Variants in PALM2AKAP2 observed in about 807,000 individuals in gnomAD.
PALM2AKAP2 encodes PALM2 and AKAP2 fusion.
PALM2AKAP2 carries 37 observed loss-of-function variants against 71.5 expected under a neutral mutation model. The observed-to-expected ratio is 0.52, with a 90% confidence interval of 0.40 to 0.68. The LOEUF (loss-of-function observed/expected upper bound fraction) is 0.68, where lower values mean the gene tolerates loss of function less well. PALM2AKAP2 is among the 30% of genes least tolerant of loss of function. The probability of loss-of-function intolerance (pLI) is 0.00; values close to 1 mark genes in which losing one functional copy is unlikely to be tolerated. For synonymous variants in PALM2AKAP2, 468 were observed against 478.8 expected (o/e 0.98, Z 0.29); for missense variants, 1,224 against 1,191.8 (o/e 1.03, Z -0.40).
chr9:110,128,343 G>A (rs1446861563), intron 1 of PALM2AKAP2, among the ~76,000 whole-genome samples: 3 of 152,190 alleles, frequency 2.0e-5, no homozygotes, highest in East Asian at 1.9e-4. Flanking sequence ...TTGTCATTGC[G>A]TCCTGCGCAC....
At chr9:109,933,375 G>C (rs1831152142) in intron 6 of PALM2AKAP2, among the ~76,000 whole-genome samples, 2 of 152,228 alleles carry the variant, frequency 1.3e-5, no homozygotes, top group African/African-American at 4.8e-5. Context: ...CATGGGTGTT[G>C]ATGGCTCCTG....
intron 6 of PALM2AKAP2, among the ~76,000 whole-genome samples, chr9:110,000,417 C>G (rs139512129): frequency 0.019 from 2,826 of 152,074 alleles, 98 homozygotes; most frequent in African/African-American, 0.065. Flanking sequence ...TATCATTGTT[C>G]GACATTTGGG....
At chr9:109,916,446 G>A (rs777430813) in intron 3 of PALM2AKAP2, among the ~76,000 whole-genome samples, 3 of 152,314 alleles carry the variant, frequency 2.0e-5, no homozygotes, top group Admixed American at 1.3e-4. Flanking sequence ...CGGAAACGGC[G>A]AGAACCTATC....
intron 3 of PALM2AKAP2, among the ~76,000 whole-genome samples, chr9:109,911,897 A>G (rs1166846186): frequency 6.6e-6 from 1 of 152,212 alleles, no homozygotes; most frequent in Non-Finnish European, 1.5e-5. Context: ...TAACACTCTA[A>G]TACAAGGCAG....
intron 1 of PALM2AKAP2, among the ~76,000 whole-genome samples, chr9:109,664,030 T>G (rs1449330464): frequency 2.0e-5 from 3 of 152,114 alleles, no homozygotes; most frequent in Non-Finnish European, 2.9e-5. Context: ...TTTTTGTTTT[T>G]CATTTGCTTG....
Position 110,024,996 on chromosome 9 carries a change from C to A in PALM2AKAP2, c.582+8957C>A, listed in dbSNP as rs1799488922. 1.9e-5 allele frequency: 24 copies of A among 1,291,362 alleles called. No individual in the cohort carries two copies. The South Asian group carries it at 2.6e-4, about 14-fold the overall frequency. The allele number at this position is 1,291,362 out of a possible 1,614,324, so 80.0% of individuals were successfully genotyped here. A position where few individuals can be genotyped will look rare whatever the true frequency, so the allele number is the denominator to read the frequency against. On this transcript the variant is annotated intron_variant, in intron 7 of 9. Transcript: ENST00000302798. The stretch of plus-strand genomic sequence containing the variant: ...CTGGCACTTCAGTTGAACCCAGGTA[C>A]CTTTCTCTTTGGCTTCTTTCTTTTT...
chr9:109,833,215 T>C (rs1018897886), intron 1 of PALM2AKAP2, among the ~76,000 whole-genome samples: 4 of 151,926 alleles, frequency 2.6e-5, no homozygotes, highest in African/African-American at 9.7e-5. Context: ...ATTATCTGGG[T>C]GTGGTGGCAC....
intron 6 of PALM2AKAP2, among the ~76,000 whole-genome samples, chr9:109,966,437 C>G (rs555759398): frequency 6.6e-6 from 1 of 152,342 alleles, no homozygotes; most frequent in Non-Finnish European, 1.5e-5. Flanking sequence ...TGTTCTAATA[C>G]CAGTACTGCT....
intron 1 of PALM2AKAP2, among the ~76,000 whole-genome samples, chr9:109,799,645 C>T (rs893606515): frequency 3.3e-5 from 5 of 152,154 alleles, no homozygotes; most frequent in East Asian, 1.9e-4. Flanking sequence ...AGGCATGCAA[C>T]ACGATGCCTG....
intron 7 of PALM2AKAP2, among the ~76,000 whole-genome samples, chr9:110,017,880 A>C (rs1250747673): frequency 6.6e-6 from 1 of 152,074 alleles, no homozygotes; most frequent in East Asian, 1.9e-4. Flanking sequence ...GGTGCTGGAC[A>C]CAATGCCCGG....
At position 110,011,012 on chromosome 9, in the gene PALM2AKAP2, A is replaced by ATATATATATAT. The variant is rs59242587; in HGVS notation, c.497-4942_497-4941insTATATATATAT. Among the ~76,000 whole-genome samples the ATATATATATAT allele has an allele frequency of 2.8e-3, 253 of 90,370 alleles. 1 individual carries two copies. Among genetic ancestry groups the ATATATATATAT allele is most frequent in the African/African-American group, 0.01 (169 of 16,130 alleles). 59.3% of individuals were successfully genotyped at this position (90,370 alleles called of 152,430 possible). A position where few individuals can be genotyped will look rare whatever the true frequency, so the allele number is the denominator to read the frequency against. ...ACTCTGTCTCAAAAAAAAAAAAAAA[A>ATATATATATAT]AAATATATATATATATATATATATA... On this transcript the variant is annotated intron_variant, in intron 6 of 9. Transcript: ENST00000302798.
chr9:110,026,633 C>T (rs182724806), intron 7 of PALM2AKAP2, among the ~76,000 whole-genome samples: 5 of 152,288 alleles, frequency 3.3e-5, no homozygotes, highest in Admixed American at 1.3e-4. Context: ...ATACCAGCCC[C>T]CCATTCTCTC....
intron 1 of PALM2AKAP2, among the ~76,000 whole-genome samples, chr9:110,112,766 T>C (rs1277623349): frequency 6.6e-6 from 1 of 152,266 alleles, no homozygotes; most frequent in Non-Finnish European, 1.5e-5. Context: ...TTAGCACTTA[T>C]GGCTGGAGCC....
intron 5 of PALM2AKAP2, among the ~76,000 whole-genome samples, chr9:109,931,319 T>G (rs980560144): frequency 2.0e-5 from 3 of 152,172 alleles, no homozygotes; most frequent in Non-Finnish European, 4.4e-5. Flanking sequence ...GCTCAAGGGG[T>G]ATTGTCATTT....
chr9:109,663,673 G>A (rs1035151770), intron 1 of PALM2AKAP2, among the ~76,000 whole-genome samples: 12 of 152,142 alleles, frequency 7.9e-5, no homozygotes, highest in Admixed American at 1.3e-4. Flanking sequence ...GTTGATTTGG[G>A]GTGGAGAGTT....
intron 3 of PALM2AKAP2, among the ~76,000 whole-genome samples, chr9:109,910,313 T>G (rs1830539932): frequency 6.6e-6 from 1 of 152,176 alleles, no homozygotes; most frequent in Non-Finnish European, 1.5e-5. Context: ...ATATGTTGTG[T>G]ATGTGGACCA....
intron 1 of PALM2AKAP2, among the ~76,000 whole-genome samples, chr9:109,701,177 T>C (rs1828049711): frequency 6.6e-6 from 1 of 152,194 alleles, no homozygotes; most frequent in Non-Finnish European, 1.5e-5. Context: ...GCCAAGGTAA[T>C]TTATAGATTC....
chr9:109,649,563 A>G (rs1172205890), intron 1 of PALM2AKAP2, among the ~76,000 whole-genome samples: 4 of 152,194 alleles, frequency 2.6e-5, no homozygotes, highest in Non-Finnish European at 4.4e-5. Context: ...TCAGAAAATT[A>G]TCTGTATTTT....
intron 5 of PALM2AKAP2, 90 bp downstream of exon 5, chr9:109,925,172 T>C: frequency 6.3e-7 from 1 of 1,585,354 alleles, no homozygotes; most frequent in Non-Finnish European, 8.7e-7. Context: ...GAAGAGGTAC[T>C]GTGTTGATTT....
Sources: allele counts gnomAD v4.1 joint callset (sites outside exome capture counted in the v4.1 genomes callset), GRCh38; gene constraint gnomAD v4.1.1; transcripts MANE v1.5; gene names NCBI Gene and HGNC (gene_info 2026-07-23, HGNC 2026-07-21).